The following ATXN7L1 variants were observed in gnomAD, a reference collection of about 807,000 sequenced individuals.
ATXN7L1 encodes the protein ataxin 7 like 1.
Under a neutral mutation model 70.8 loss-of-function variants are expected in ATXN7L1, and 15 were observed. The observed-to-expected ratio is 0.21, with a 90% confidence interval of 0.14 to 0.33. ATXN7L1 has a LOEUF of 0.33. Ranked by LOEUF, ATXN7L1 falls within the 10% of genes least tolerant of loss-of-function variation. ATXN7L1 has a pLI of 1.00. For synonymous variants in ATXN7L1, 440 were observed against 445.1 expected, an observed-to-expected ratio of 0.99 and a Z score of 0.14; for missense variants, 975 against 1,097.1, an observed-to-expected ratio of 0.89 and a Z score of 1.57.
intron 3 of ATXN7L1, among the ~76,000 whole-genome samples, chr7:105,769,673 C>G (rs1318577268): frequency 6.6e-6 from 1 of 152,150 alleles, no homozygotes; most frequent in Non-Finnish European, 1.5e-5. Context: ...ATCCACTTTG[C>G]TTCCTCCCAG....
At chr7:105,733,973 C>T (rs1797106789) in intron 3 of ATXN7L1, among the ~76,000 whole-genome samples, 1 of 148,788 alleles carries the variant, frequency 6.7e-6, no homozygotes, top group Non-Finnish European at 1.5e-5. Context: ...TCCATCCATC[C>T]ATCCATGCTT....
In ATXN7L1 at chr7:105,727,777, T is replaced by TATATATATACAC. The variant is rs1462125950; in HGVS notation, c.355+60826_355+60827insGTGTATATATAT. On this transcript the variant is annotated intron_variant, in intron 3 of 11. Coordinates refer to ENST00000419735, the MANE Select transcript of ATXN7L1 (RefSeq NM_020725.2). ...ATATATATATATATATATATATATA[T>TATATATATACAC]ACACACACATACACACATATATATA... 4.1e-3 allele frequency among the ~76,000 whole-genome samples: 372 copies of TATATATATACAC among 90,110 alleles called. 4 individuals are homozygous for TATATATATACAC. The highest frequency in any genetic ancestry group is 5.4e-3 in the Non-Finnish European group (273 of 50,984). The allele number at this position is 90,110 out of a possible 152,430, so 59.1% of individuals were successfully genotyped here.
At chr7:105,801,028 T>C (rs1444552257) in intron 2 of ATXN7L1, among the ~76,000 whole-genome samples, 1 of 152,188 alleles carries the variant, frequency 6.6e-6, no homozygotes, top group African/African-American at 2.4e-5. Context: ...TTGGGAAATT[T>C]CTCTGGGCCT....
chr7:105,818,488 AAAAC>A (rs1318160535), intron 2 of ATXN7L1, among the ~76,000 whole-genome samples: 2 of 152,212 alleles, frequency 1.3e-5, no homozygotes, highest in Non-Finnish European at 2.9e-5. Flanking sequence ...TAGAACCAGT[AAAAC>A]AGGCTTAGAA....
intron 2 of ATXN7L1, among the ~76,000 whole-genome samples, chr7:105,852,525 G>T (rs1335970894): frequency 6.6e-6 from 1 of 152,144 alleles, no homozygotes; most frequent in Non-Finnish European, 1.5e-5. Context: ...TCTCTGGTCA[G>T]ATGCAGCACA....
intron 2 of ATXN7L1, among the ~76,000 whole-genome samples, chr7:105,836,529 A>G (rs1412406856): frequency 6.6e-6 from 1 of 152,192 alleles, no homozygotes; most frequent in South Asian, 2.1e-4. Flanking sequence ...AGGAAAAGTA[A>G]ATTATCAGGG....
chr7:105,774,249 G>A (rs1802413129), intron 3 of ATXN7L1, among the ~76,000 whole-genome samples: 1 of 152,096 alleles, frequency 6.6e-6, no homozygotes, highest in South Asian at 2.1e-4. Flanking sequence ...AAACGCACCG[G>A]GAAACTTGAT....
At chr7:105,715,808 C>G (rs1056234622) in intron 3 of ATXN7L1, among the ~76,000 whole-genome samples, 2 of 152,226 alleles carry the variant, frequency 1.3e-5, no homozygotes, top group Non-Finnish European at 2.9e-5. Context: ...GAAAAACTGG[C>G]TGCAAGCACA....
At chr7:105,806,800 A>G (rs1807688402) in intron 2 of ATXN7L1, among the ~76,000 whole-genome samples, 1 of 152,198 alleles carries the variant, frequency 6.6e-6, no homozygotes, top group Non-Finnish European at 1.5e-5. Context: ...AGAGGCACAG[A>G]GAAGCCACGT....
intron 2 of ATXN7L1, among the ~76,000 whole-genome samples, chr7:105,799,232 G>A (rs1563102780): frequency 6.6e-6 from 1 of 152,218 alleles, no homozygotes; most frequent in African/African-American, 2.4e-5. Flanking sequence ...GGACTGCATC[G>A]CAGCAGGCCT....
intron 3 of ATXN7L1, among the ~76,000 whole-genome samples, chr7:105,700,051 G>T (rs891509896): frequency 6.6e-6 from 1 of 152,166 alleles, no homozygotes; most frequent in South Asian, 2.1e-4. Flanking sequence ...CCTCCGAGCC[G>T]CTCTGAGCTC....
chr7:105,786,325 C>T (rs1293618320), intron 3 of ATXN7L1, among the ~76,000 whole-genome samples: 1 of 152,182 alleles, frequency 6.6e-6, no homozygotes, highest in Non-Finnish European at 1.5e-5. Flanking sequence ...CCAAGAGCCC[C>T]AGGGTTGGGG....
intron 3 of ATXN7L1, among the ~76,000 whole-genome samples, chr7:105,784,453 C>T (rs1803980128): frequency 6.6e-6 from 1 of 152,046 alleles, no homozygotes; most frequent in Admixed American, 6.6e-5. Context: ...CACACACACA[C>T]ACACACTTTT....
chr7:105,620,765 C>T (rs1472217907), intron 8 of ATXN7L1, among the ~76,000 whole-genome samples: 2 of 151,880 alleles, frequency 1.3e-5, no homozygotes, highest in East Asian at 3.9e-4. Context: ...CATGGTGGCA[C>T]GTGCCTGGGA....
intron 2 of ATXN7L1, among the ~76,000 whole-genome samples, chr7:105,821,444 G>A (rs2116566179): frequency 6.6e-6 from 1 of 152,372 alleles, no homozygotes; most frequent in East Asian, 1.9e-4. Flanking sequence ...ATCCTGTGCA[G>A]TGAGTCTGGG....
chr7:105,674,165 G>A (rs984477239), intron 3 of ATXN7L1, among the ~76,000 whole-genome samples: 2 of 152,186 alleles, frequency 1.3e-5, no homozygotes, highest in Non-Finnish European at 2.9e-5. Flanking sequence ...ACCCACTGCT[G>A]GGCAACATGA....
intron 8 of ATXN7L1, among the ~76,000 whole-genome samples, chr7:105,622,242 C>T (rs572263126): frequency 5.3e-5 from 8 of 152,328 alleles, no homozygotes; most frequent in East Asian, 3.9e-4. Flanking sequence ...CGCCACATCC[C>T]GAGTTTAGCG....
At chr7:105,731,593 C>A (rs1796540191) in intron 3 of ATXN7L1, among the ~76,000 whole-genome samples, 2 of 151,468 alleles carry the variant, frequency 1.3e-5, no homozygotes, top group South Asian at 4.2e-4. Context: ...CACCACCACG[C>A]CCGGCTAATT....
Position 105,865,592 on chromosome 7 carries a change from G to A in ATXN7L1, c.250+10220C>T, listed in dbSNP as rs563903733. On this transcript the variant is annotated intron_variant, in intron 2 of 11. Transcript: ENST00000419735. Reference sequence around the variant, plus strand: ...AATTTTTTGTATTTTGAGTAGAGATGGGGTTTCACCGTGTTAGCCAGGATG... The same window carrying A: ...AATTTTTTGTATTTTGAGTAGAGATAGGGTTTCACCGTGTTAGCCAGGATG... 2.6e-5 allele frequency among the ~76,000 whole-genome samples: 4 copies of A among 152,050 alleles called. No individual in the cohort carries two copies. The East Asian group carries it at 5.8e-4, about 22-fold the overall frequency.
Sources: allele counts gnomAD v4.1 joint callset (sites outside exome capture counted in the v4.1 genomes callset), GRCh38; gene constraint gnomAD v4.1.1; transcripts MANE v1.5; gene names NCBI Gene and HGNC (gene_info 2026-07-23, HGNC 2026-07-21).